The following TRAT1 variants were observed in gnomAD, a reference collection of about 807,000 sequenced individuals.
TRAT1 encodes T-cell receptor-associated transmembrane adapter 1.
Under a neutral mutation model 20.0 loss-of-function variants are expected in TRAT1, and 20 were observed. The observed-to-expected ratio is 1.00, with a 90% CI of 0.70 to 1.45. TRAT1 has a LOEUF of 1.45. Among genes scored for constraint, TRAT1 ranks in the 40% most tolerant of loss-of-function variants. TRAT1 has a pLI of 0.00. For synonymous variants in TRAT1, 77 were observed against 74.2 expected, an observed-to-expected ratio of 1.04 and a Z score of -0.20; for missense variants, 237 against 224.1, an observed-to-expected ratio of 1.06 and a Z score of -0.37.
intron 2 of TRAT1, among the ~76,000 whole-genome samples, chr3:108,833,132 G>T (rs1035119651): frequency 6.6e-6 from 1 of 152,046 alleles, no homozygotes; most frequent in Non-Finnish European, 1.5e-5. Flanking sequence ...AAAAAGCATC[G>T]TGTTTGGTAG....
intron 2 of TRAT1, among the ~76,000 whole-genome samples, chr3:108,835,236 C>T (rs1945828335): frequency 6.6e-6 from 1 of 152,224 alleles, no homozygotes; most frequent in Non-Finnish European, 1.5e-5. Context: ...ATATTTGCAT[C>T]ACACCCTCTC....
At chr3:108,848,161 T>C (rs1203146225) in intron 4 of TRAT1, among the ~76,000 whole-genome samples, 1 of 152,180 alleles carries the variant, frequency 6.6e-6, no homozygotes, top group African/African-American at 2.4e-5. Context: ...TACCTGCTAC[T>C]TCCATACTTA....
intron 3 of TRAT1, among the ~76,000 whole-genome samples, chr3:108,841,362 C>T (rs1945895326): frequency 6.6e-6 from 1 of 152,110 alleles, no homozygotes; most frequent in African/African-American, 2.4e-5. Flanking sequence ...GTCTATTTCT[C>T]TTGCTTATGT....
Position 108,830,761 on chromosome 3 carries a change from T to G in TRAT1, c.99T>G (p.Tyr33Ter). Residue 33 changes from tyrosine to a stop codon, truncating the protein, a stop_gained, in exon 2 of 6, where the codon TAT becomes TAG. Transcript: ENST00000295756. LOFTEE classifies it high-confidence loss of function. ...CACTGATCTTCAATATTTCCCACTA[T>G]GTGGAAAAGCAACGACAAGGTAAGA... Reference protein sequence around the residue: ...VISLIFNISHYVEKQRQDKMY... With the variant: ...VISLIFNISH The G allele has an allele frequency of 6.2e-7, 1 of 1,612,126 alleles. No homozygotes were observed. Among genetic ancestry groups the G allele is most frequent in the Non-Finnish European group, 8.5e-7 (1 of 1,178,188 alleles).
chr3:108,831,398 G>A (rs1294157760), intron 2 of TRAT1, among the ~76,000 whole-genome samples: 1 of 152,164 alleles, frequency 6.6e-6, no homozygotes, highest in East Asian at 1.9e-4. Context: ...ATGGCCTGAA[G>A]CCCAGCAGCT....
intron 5 of TRAT1, among the ~76,000 whole-genome samples, 185 bp from the exon 6 acceptor site, chr3:108,853,431 CAAGA>C (rs1396884904): frequency 6.6e-6 from 1 of 152,110 alleles, no homozygotes; most frequent in Non-Finnish European, 1.5e-5. Flanking sequence ...TTTTTCAACT[CAAGA>C]GTGTTGGCTG....
intron 5 of TRAT1, 47 bp downstream of exon 5, chr3:108,849,301 A>C: frequency 6.7e-7 from 1 of 1,486,036 alleles, no homozygotes; most frequent in Non-Finnish European, 9.3e-7. Context: ...CAAGAGCATA[A>C]GAGTAGTACA....
Position 108,832,477 on chromosome 3 carries a change from C to T in TRAT1, c.118+1697C>T, listed in dbSNP as rs1490604204. 2.6e-5 allele frequency among the ~76,000 whole-genome samples: 4 copies of T among 152,272 alleles called. No homozygotes were observed. In the South Asian group the frequency reaches 8.3e-4, roughly 32 times the overall value. Reference sequence around the variant, plus strand: ...ATCAAACATCTTCTACAGTTTCCCTCCTTTATAGATAAAAATGAGCTCAGA... The same window carrying T: ...ATCAAACATCTTCTACAGTTTCCCTTCTTTATAGATAAAAATGAGCTCAGA... On this transcript the variant is annotated intron_variant, in intron 2 of 5. Transcript: ENST00000295756.
At chr3:108,844,864 A>AC (rs1945927847) in intron 3 of TRAT1, among the ~76,000 whole-genome samples, 1 of 149,952 alleles carries the variant, frequency 6.7e-6, no homozygotes, top group Admixed American at 6.6e-5. Flanking sequence ...AAAAAAAAAA[A>AC]AAAAAGAAAT....
chr3:108,844,872 A>AAAAAAAAAAAAAAAAAC (rs1276772656), intron 3 of TRAT1, among the ~76,000 whole-genome samples: 1 of 146,680 alleles, frequency 6.8e-6, no homozygotes, highest in African/African-American at 2.5e-5. Flanking sequence ...AAAAAAAAGA[A>AAAAAAAAAAAAAAAAAC]ATACGTGTAT....
At chr3:108,837,089 A>T (rs1350363974) in intron 2 of TRAT1, among the ~76,000 whole-genome samples, 1 of 152,058 alleles carries the variant, frequency 6.6e-6, no homozygotes, top group African/African-American at 2.4e-5. Context: ...TACATTTCTC[A>T]GGTTTTTTGA....
intron 3 of TRAT1, among the ~76,000 whole-genome samples, chr3:108,845,714 T>C (rs9870161): frequency 0.011 from 1,631 of 152,274 alleles, 27 homozygotes; most frequent in African/African-American, 0.037. Context: ...CTTTTTTTTT[T>C]TCTTTTGATG....
At chr3:108,826,489 TG>T (rs1945740733) in intron 1 of TRAT1, among the ~76,000 whole-genome samples, 1 of 152,132 alleles carries the variant, frequency 6.6e-6, no homozygotes, top group African/African-American at 2.4e-5. Flanking sequence ...ATGATTCAAA[TG>T]TCTTTTATTG....
In TRAT1 at chr3:108,853,774, T is replaced by A; in HGVS notation, c.458T>A (p.Val153Glu). The change falls in exon 6 of 6, where the codon GTA (valine) becomes GAA (glutamate). Residue 153 changes from valine (V) to glutamate (E), a missense_variant. Coordinates refer to ENST00000295756, the MANE Select transcript of TRAT1 (RefSeq NM_016388.4). ...IDASVSKTTL[V>E]DSFSPESQAV... ...GCCAGCGTTTCTAAGACCACCTTAG[T>A]AGACAGTTTCTCCCCAGAAAGCCAG... 6.2e-7 allele frequency: 1 copy of A among 1,614,132 alleles called. No homozygotes were observed. The highest frequency in any genetic ancestry group is 1.1e-5 in the South Asian group (1 of 91,080).
intron 1 of TRAT1, among the ~76,000 whole-genome samples, chr3:108,826,325 C>G (rs948126905): frequency 1.3e-5 from 2 of 152,078 alleles, no homozygotes; most frequent in East Asian, 3.9e-4. Context: ...CCATCACAGC[C>G]CACTCCCCAA....
chr3:108,822,840 C>G lies in TRAT1; in HGVS notation c.-88C>G. 8.8e-7 allele frequency: 1 copy of G among 1,138,862 alleles called. No individual in the cohort carries two copies. The highest frequency in any genetic ancestry group is 1.3e-5 in the South Asian group (1 of 76,508). The allele number at this position is 1,138,862 out of a possible 1,614,324, so 70.5% of individuals were successfully genotyped here. ...TGCTGCTTTTAACATAACAGAGCAA[C>G]ATCACCTAGGAAAAAAGTTTGTAGG... On this transcript the variant is annotated 5_prime_UTR_variant, in exon 1 of 6. Transcript: ENST00000295756.
intron 3 of TRAT1, among the ~76,000 whole-genome samples, chr3:108,840,537 TAAA>T (rs5851619): frequency 2.2e-5 from 3 of 137,122 alleles, no homozygotes. Flanking sequence ...AGGGCAAATG[TAAA>T]AAAAAAAAAA....
At chr3:108,837,999 T>C (rs1038645559) in intron 2 of TRAT1, among the ~76,000 whole-genome samples, 2 of 152,234 alleles carry the variant, frequency 1.3e-5, no homozygotes, top group African/African-American at 2.4e-5. Flanking sequence ...GGCTTTGAAC[T>C]GCCTCATTCA....
At chr3:108,846,984 T>A (rs1945952893) in intron 3 of TRAT1, 84 bp from the exon 4 acceptor site, 1 of 958,478 alleles carries the variant, frequency 1.0e-6, no homozygotes. Context: ...ATAGTTCACT[T>A]AATATTGAAT....
Sources: allele counts gnomAD v4.1 joint callset (sites outside exome capture counted in the v4.1 genomes callset), GRCh38; gene constraint gnomAD v4.1.1; transcripts MANE v1.5; gene names NCBI Gene and HGNC (gene_info 2026-07-23, HGNC 2026-07-21).